FGGY: variants seen among roughly 807,000 people sequenced by gnomAD.
FGGY encodes FGGY carbohydrate kinase domain-containing protein.
A neutral mutation model predicts 71.3 loss-of-function variants in FGGY; 72 were observed. The observed-to-expected ratio is 1.01, with a 90% CI of 0.84 to 1.23. FGGY has a LOEUF of 1.23. Among genes scored for constraint, FGGY ranks in the 50% most tolerant of loss-of-function variants. The probability of loss-of-function intolerance (pLI) is 0.00; values close to 1 mark genes in which losing one functional copy is unlikely to be tolerated. For missense variants in FGGY, 668 were observed against 682.3 expected (o/e 0.98, Z 0.23); for synonymous variants, 251 against 250.3 (o/e 1.00, Z -0.02).
intron 5 of FGGY, among the ~76,000 whole-genome samples, chr1:59,419,599 C>T (rs997340194): frequency 2.6e-5 from 4 of 152,092 alleles, no homozygotes; most frequent in South Asian, 2.1e-4. Context: ...CGGGGAAACT[C>T]GCTGTGGCCT....
intron 8 of FGGY, among the ~76,000 whole-genome samples, chr1:59,599,864 A>T (rs189021823): frequency 4.6e-5 from 7 of 152,238 alleles, no homozygotes; most frequent in Admixed American, 3.9e-4. Context: ...GGCTTGGTGC[A>T]ATAAAAATGA....
intron 5 of FGGY, among the ~76,000 whole-genome samples, chr1:59,390,352 A>G (rs1379955891): frequency 1.3e-5 from 2 of 152,174 alleles, no homozygotes; most frequent in African/African-American, 4.8e-5. Context: ...TGATTTCCCC[A>G]TAAAGTCATC....
intron 5 of FGGY, among the ~76,000 whole-genome samples, chr1:59,420,980 T>G (rs938242611): frequency 6.6e-6 from 1 of 152,088 alleles, no homozygotes; most frequent in African/African-American, 2.4e-5. Flanking sequence ...AAGCTGTTTT[T>G]GAAAAATCCA....
At chr1:59,607,753 C>T (rs1490980693) in intron 8 of FGGY, 50 bp from the exon 9 acceptor site, 3 of 1,449,062 alleles carry the variant, frequency 2.1e-6, no homozygotes, top group Non-Finnish European at 2.9e-6. Context: ...GAACCCTTCC[C>T]CTACCCCTGA....
intron 14 of FGGY, among the ~76,000 whole-genome samples, chr1:59,738,760 A>G (rs974209334): frequency 6.6e-6 from 1 of 152,256 alleles, no homozygotes; most frequent in African/African-American, 2.4e-5. Context: ...TCTTGGCCTT[A>G]TATAATCCTC....
At chr1:59,467,029 C>T (rs1424795478) in intron 6 of FGGY, among the ~76,000 whole-genome samples, 1 of 152,134 alleles carries the variant, frequency 6.6e-6, no homozygotes, top group Admixed American at 6.6e-5. Flanking sequence ...ATACATCATG[C>T]TACTATAAAG....
rs374779783 is a variant in FGGY, at chr1:59,635,874, A to C, written c.1074-2354A>C. 2.0e-5 allele frequency among the ~76,000 whole-genome samples: 3 copies of C among 152,280 alleles called. No individual in the cohort carries two copies. The South Asian group carries it at 6.2e-4, about 32-fold the overall frequency. On this transcript the variant is annotated intron_variant, in intron 10 of 15. Transcript: ENST00000303721. ...TTTGATAAATAATTTCTGACCTAAG[A>C]TACAGAAAGTCCATGGCTTCAGAAT...
At chr1:59,663,385 C>T (rs193108510) in intron 12 of FGGY, among the ~76,000 whole-genome samples, 2 of 152,274 alleles carry the variant, frequency 1.3e-5, no homozygotes, top group Non-Finnish European at 2.9e-5. Flanking sequence ...ATCGTTTTTA[C>T]TTAATATATA....
intron 14 of FGGY, among the ~76,000 whole-genome samples, chr1:59,733,770 G>A (rs151000251): frequency 2.0e-3 from 312 of 152,336 alleles, no homozygotes; most frequent in Middle Eastern, 3.4e-3. Context: ...GCACACAGCC[G>A]TAAGGACAAA....
At chr1:59,535,304 C>T (rs2095282674) in intron 7 of FGGY, among the ~76,000 whole-genome samples, 1 of 152,082 alleles carries the variant, frequency 6.6e-6, no homozygotes, top group Non-Finnish European at 1.5e-5. Flanking sequence ...TATGTGCACC[C>T]AATACAGGAG....
intron 2 of FGGY, among the ~76,000 whole-genome samples, chr1:59,335,377 T>C (rs970679097): frequency 1.1e-4 from 16 of 152,222 alleles, no homozygotes; most frequent in South Asian, 8.3e-4. Context: ...TTGTTACATA[T>C]ATCAGTAGTT....
chr1:59,374,781 C>A (rs2058351118), intron 4 of FGGY, among the ~76,000 whole-genome samples: 2 of 151,698 alleles, frequency 1.3e-5, no homozygotes, highest in African/African-American at 4.8e-5. Context: ...AATTGGAAAT[C>A]ATCATTCTCA....
intron 5 of FGGY, among the ~76,000 whole-genome samples, chr1:59,436,395 G>T (rs1174256697): frequency 6.6e-6 from 1 of 151,838 alleles, no homozygotes; most frequent in Non-Finnish European, 1.5e-5. Context: ...ACCCCCTCAA[G>T]TGCCCCTCAT....
At chr1:59,605,754 C>T (rs933327399) in intron 8 of FGGY, among the ~76,000 whole-genome samples, 7 of 152,022 alleles carry the variant, frequency 4.6e-5, no homozygotes, top group Admixed American at 1.3e-4. Context: ...AAGAGAGAAC[C>T]GGGGTAGCTG....
chr1:59,660,116 G>T (rs2097260488), intron 11 of FGGY, 103 bp from the exon 12 acceptor site: 4 of 1,027,774 alleles, frequency 3.9e-6, no homozygotes, highest in Non-Finnish European at 5.9e-6. Context: ...ATATGAACTT[G>T]TTTCGGCAAG....
At chr1:59,370,020 A>G (rs1446626728) in intron 4 of FGGY, among the ~76,000 whole-genome samples, 3 of 152,216 alleles carry the variant, frequency 2.0e-5, no homozygotes, top group Non-Finnish European at 2.9e-5. Context: ...TCCTCCTCCA[A>G]AGGATCGCAG....
chr1:59,744,164 ATTAC>A (rs2098173945), intron 14 of FGGY, among the ~76,000 whole-genome samples: 2 of 152,166 alleles, frequency 1.3e-5, no homozygotes, highest in Non-Finnish European at 1.5e-5. Context: ...AATTATTTCT[ATTAC>A]TTCTATTTTA....
At chr1:59,373,108 G>A (rs1010602295) in intron 4 of FGGY, among the ~76,000 whole-genome samples, 15 of 152,054 alleles carry the variant, frequency 9.9e-5, no homozygotes, top group Non-Finnish European at 1.9e-4. Context: ...TAGGAAAAGA[G>A]GAAGTCAAAT....
intron 14 of FGGY, among the ~76,000 whole-genome samples, chr1:59,677,086 TTTGGA>T (rs1340580433): frequency 1.3e-5 from 2 of 152,200 alleles, no homozygotes; most frequent in African/African-American, 4.8e-5. Flanking sequence ...TTGGAACTGC[TTTGGA>T]AATGAAAATG....
Sources: allele counts gnomAD v4.1 joint callset (sites outside exome capture counted in the v4.1 genomes callset), GRCh38; gene constraint gnomAD v4.1.1; transcripts MANE v1.5; gene names NCBI Gene and HGNC (gene_info 2026-07-23, HGNC 2026-07-21).